Variants in RFX7 observed in about 807,000 individuals in gnomAD.
RFX7 encodes the protein regulatory factor X7, also known as DNA-binding protein RFX7.
Under a neutral mutation model 111.8 loss-of-function variants are expected in RFX7, and 26 were observed. That is an observed-to-expected ratio of 0.23 (90% CI 0.17 to 0.32). The LOEUF is 0.32. Ranked by LOEUF, RFX7 falls within the 10% of genes least tolerant of loss-of-function variation. RFX7 has a pLI of 1.00. For missense variants in RFX7, 1,573 were observed against 1,772.9 expected, an observed-to-expected ratio of 0.89 and a Z score of 2.02; for synonymous variants, 624 against 624.4, an observed-to-expected ratio of 1.00 and a Z score of 0.01.
At chr15:56,163,340 C>A (rs2042746810) in intron 3 of RFX7, among the ~76,000 whole-genome samples, 1 of 152,014 alleles carries the variant, frequency 6.6e-6, no homozygotes, top group South Asian at 2.1e-4. Context: ...CTTAGAAGGC[C>A]CCATTCTAAT....
At chr15:56,151,476 G>A (rs965429078) in intron 3 of RFX7, among the ~76,000 whole-genome samples, 29 of 152,140 alleles carry the variant, frequency 1.9e-4, no homozygotes, top group Non-Finnish European at 1.2e-4. Flanking sequence ...ATAAGTGAAG[G>A]AGAAATAAAA....
At chr15:56,156,667 C>T (rs978541037) in intron 3 of RFX7, among the ~76,000 whole-genome samples, 3 of 152,180 alleles carry the variant, frequency 2.0e-5, no homozygotes, top group Non-Finnish European at 4.4e-5. Context: ...CTCTCTAAAA[C>T]TTATACCAAT....
At chr15:56,225,803 T>A (rs1374486995) in intron 2 of RFX7, among the ~76,000 whole-genome samples, 1 of 152,162 alleles carries the variant, frequency 6.6e-6, no homozygotes, top group East Asian at 1.9e-4. Context: ...TTAAATGATT[T>A]TGTAATAATA....
intron 2 of RFX7, among the ~76,000 whole-genome samples, chr15:56,202,677 T>G (rs2043205102): frequency 6.6e-6 from 1 of 152,024 alleles, no homozygotes; most frequent in African/African-American, 2.4e-5. Context: ...CCAGGTGTGG[T>G]GATGTGTGCT....
rs2041565267 is a variant in RFX7 at position 56,089,139 on chromosome 15, G to C, written c.*4206C>G. The C allele has an allele frequency of 6.6e-6, 1 of 152,228 alleles. No homozygotes were observed. Among genetic ancestry groups the C allele is most frequent in the Admixed American group, 6.5e-5 (1 of 15,270 alleles). 9.4% of individuals were successfully genotyped at this position (152,228 alleles called of 1,614,324 possible). A position where few individuals can be genotyped will look rare whatever the true frequency, so the allele number is the denominator to read the frequency against. On this transcript the variant is annotated 3_prime_UTR_variant, in exon 10 of 10. Coordinates refer to ENST00000559447, the MANE Select transcript of RFX7 (RefSeq NM_022841.7). Reference sequence around the variant, plus strand: ...AGCATTAATTAAGGATCTAAGCTAAGTAATTGGCCTTAGGATGAGCCTTTG... The same window carrying C: ...AGCATTAATTAAGGATCTAAGCTAACTAATTGGCCTTAGGATGAGCCTTTG...
intron 5 of RFX7, among the ~76,000 whole-genome samples, chr15:56,109,249 T>C (rs1353798074): frequency 1.3e-5 from 2 of 152,250 alleles, no homozygotes; most frequent in Admixed American, 1.3e-4. Flanking sequence ...GGTTTCGCTG[T>C]GTTGGCCAGG....
intron 5 of RFX7, among the ~76,000 whole-genome samples, chr15:56,127,137 G>C (rs560300394): frequency 6.6e-6 from 1 of 151,950 alleles, no homozygotes; most frequent in Non-Finnish European, 1.5e-5. Flanking sequence ...ATCACACAAT[G>C]TATTTTCCCT....
At chr15:56,204,727 G>C (rs2043233545) in intron 2 of RFX7, among the ~76,000 whole-genome samples, 1 of 152,142 alleles carries the variant, frequency 6.6e-6, no homozygotes. Context: ...TATAGTATGA[G>C]TGTAATTAAA....
chr15:56,113,749 ATAAT>A (rs1175144418), intron 5 of RFX7, among the ~76,000 whole-genome samples: 1 of 152,188 alleles, frequency 6.6e-6, no homozygotes, highest in East Asian at 1.9e-4. Flanking sequence ...ATTTATAAAA[ATAAT>A]TAAGAATTAT....
intron 2 of RFX7, among the ~76,000 whole-genome samples, chr15:56,218,666 T>C (rs1022190306): frequency 6.6e-6 from 1 of 152,266 alleles, no homozygotes; most frequent in African/African-American, 2.4e-5. Flanking sequence ...ACAGCATGTG[T>C]AGCGAGCAAC....
intron 2 of RFX7, among the ~76,000 whole-genome samples, chr15:56,212,412 T>TAA (rs2043321796): frequency 6.6e-6 from 1 of 152,186 alleles, no homozygotes; most frequent in South Asian, 2.1e-4. Flanking sequence ...CTACTCTTTA[T>TAA]GATACTTTAA....
chr15:56,243,318 G>A, intron 1 of RFX7, 31 bp from the exon 2 acceptor site: 1 of 986,472 alleles, frequency 1.0e-6, no homozygotes, highest in Non-Finnish European at 1.3e-6. Flanking sequence ...GGGAGGGAAA[G>A]ATGGGGGCGC....
chr15:56,240,719 T>C (rs759981178), intron 2 of RFX7, among the ~76,000 whole-genome samples: 23 of 152,172 alleles, frequency 1.5e-4, no homozygotes, highest in Non-Finnish European at 2.8e-4. Flanking sequence ...TCATTAATAA[T>C]GGCACCAAAG....
At chr15:56,140,903 A>G (rs930249331) in intron 5 of RFX7, among the ~76,000 whole-genome samples, 7 of 152,352 alleles carry the variant, frequency 4.6e-5, no homozygotes, top group African/African-American at 1.4e-4. Context: ...TTCATGGGCC[A>G]GGATCACTCT....
chr15:56,167,647 A>G (rs753425241), intron 3 of RFX7, among the ~76,000 whole-genome samples: 16 of 152,242 alleles, frequency 1.1e-4, no homozygotes, highest in Non-Finnish European at 1.5e-4. Context: ...GCACTAAAAC[A>G]TTAACAAAAA....
intron 3 of RFX7, among the ~76,000 whole-genome samples, chr15:56,171,715 G>A (rs1278437820): frequency 6.6e-6 from 1 of 152,160 alleles, no homozygotes; most frequent in African/African-American, 2.4e-5. Flanking sequence ...ATGTTAATTT[G>A]TTATAGCAGC....
rs1390044214 is a variant in RFX7, at chr15:56,093,341, C to T, written c.*4G>A. Reference sequence around the variant, plus strand: ...ACAGTGTGCTACATGTTATAAAACACAATTTAACCCAACATTTCAACAGTA... The same window carrying T: ...ACAGTGTGCTACATGTTATAAAACATAATTTAACCCAACATTTCAACAGTA... On this transcript the variant is annotated 3_prime_UTR_variant, in exon 10 of 10. Transcript: ENST00000559447. 5.0e-6 allele frequency: 8 copies of T among 1,597,258 alleles called. No homozygotes were observed. In the East Asian group the frequency reaches 1.8e-4, roughly 36 times the overall value.
chr15:56,230,049 A>C (rs978782019), intron 2 of RFX7, among the ~76,000 whole-genome samples: 3 of 152,142 alleles, frequency 2.0e-5, no homozygotes, highest in Non-Finnish European at 4.4e-5. Context: ...CAAACAAGTT[A>C]TCTTAGCCTT....
chr15:56,185,625 T>A (rs1595994764), intron 2 of RFX7, among the ~76,000 whole-genome samples: 3 of 141,884 alleles, frequency 2.1e-5, no homozygotes, highest in African/African-American at 9.4e-5. Flanking sequence ...TGGTAGTATA[T>A]TCCTTTAATC....
Sources: allele counts gnomAD v4.1 joint callset (sites outside exome capture counted in the v4.1 genomes callset), GRCh38; gene constraint gnomAD v4.1.1; transcripts MANE v1.5; gene names NCBI Gene and HGNC (gene_info 2026-07-23, HGNC 2026-07-21).